The following ZC3H12D variants were observed in gnomAD, a reference collection of about 807,000 sequenced individuals.
The protein encoded by ZC3H12D is zinc finger CCCH-type containing 12D.
A neutral mutation model predicts 24.2 loss-of-function variants in ZC3H12D; 11 were observed. That is an observed-to-expected ratio of 0.46 (90% CI 0.29 to 0.75). The LOEUF is 0.75. Among genes scored for constraint, ZC3H12D ranks in the 30% least tolerant of loss-of-function variants. The pLI is 0.11. For missense variants in ZC3H12D, 740 were observed against 767.7 expected (o/e 0.96, Z 0.43); for synonymous variants, 333 against 341.8 (o/e 0.97, Z 0.28).
At chr6:149,480,411 TC>T (rs1231846958) in intron 1 of ZC3H12D, among the ~76,000 whole-genome samples, 1 of 152,244 alleles carries the variant, frequency 6.6e-6, no homozygotes, top group Admixed American at 6.5e-5. Context: ...TAGCACATGT[TC>T]TCACTTATAA....
In ZC3H12D at chr6:149,451,354, C is replaced by A; in HGVS notation, c.913G>T (p.Glu305Ter). 4 of 1,465,374 alleles carry A rather than the reference C, an allele frequency of 2.7e-6. No individual in the cohort carries two copies. Among genetic ancestry groups the A allele is most frequent in the South Asian group, 1.3e-5 (1 of 75,664 alleles). The allele number at this position is 1,465,374 out of a possible 1,614,324, so 90.8% of individuals were successfully genotyped here. ...TGARPGAGAE[E>*]QRPPRAPGGS... ...CCCGGGGCTCTCGGTGGCCGCTGCT[C>A]CTCGGCGCCCGCGCCAGGCCGGGCC... The change falls in exon 6 of 6, where the codon GAG (glutamate) becomes TAG (stop). Residue 305 changes from glutamate (E) to a stop codon, truncating the protein, a stop_gained. Transcript: ENST00000409806. LOFTEE classifies it low-confidence loss of function (END_TRUNC).
intron 2 of ZC3H12D, among the ~76,000 whole-genome samples, chr6:149,470,156 C>T (rs1776222451): frequency 2.0e-5 from 3 of 152,058 alleles, no homozygotes; most frequent in Admixed American, 6.6e-5. Context: ...GTCAGGAGTT[C>T]AAGACCAGCC....
Position 149,452,787 on chromosome 6 carries a change from G to A in ZC3H12D, c.681-65C>T. 3.5e-6 allele frequency: 5 copies of A among 1,430,474 alleles called. No individual in the cohort carries two copies. Among genetic ancestry groups the A allele is most frequent in the Non-Finnish European group, 4.8e-6 (5 of 1,049,136 alleles). The allele number at this position is 1,430,474 out of a possible 1,614,324, so 88.6% of individuals were successfully genotyped here. A position where few individuals can be genotyped will look rare whatever the true frequency, so the allele number is the denominator to read the frequency against. ...GATTTGCCACCAGCACCTGTACAAA[G>A]GGAGCAGGCCCAAGTTCCCCAAGAA... On this transcript the variant is annotated intron_variant, in intron 4 of 5. Coordinates refer to ENST00000409806, the MANE Select transcript of ZC3H12D (RefSeq NM_207360.3). The surrounding 1 kb of genome is among the most constrained non-coding windows in gnomAD (Gnocchi z 4.0).
intron 1 of ZC3H12D, among the ~76,000 whole-genome samples, chr6:149,477,426 C>T (rs1412763835): frequency 6.6e-6 from 1 of 152,270 alleles, no homozygotes; most frequent in South Asian, 2.1e-4. Flanking sequence ...TCCAACAACA[C>T]TTTCACAGTC....
At chr6:149,470,866 G>C (rs116577893) in intron 2 of ZC3H12D, among the ~76,000 whole-genome samples, 2,483 of 152,360 alleles carry the variant, frequency 0.016, 68 homozygotes, top group African/African-American at 0.057. Context: ...GTGGCAAGTG[G>C]CTCTGTGGGG....
At position 149,473,515 on chromosome 6, in the gene ZC3H12D, C is replaced by T. The variant is rs539777230; in HGVS notation, c.305+724G>A. On this transcript the variant is annotated intron_variant, in intron 2 of 5. Coordinates refer to ENST00000409806, the MANE Select transcript of ZC3H12D (RefSeq NM_207360.3). ...GTGTTGGGGGAGGCTGCAGAGATTC[C>T]GTCACAGGGGAGCTTAGCCAAGACA... Among the ~76,000 whole-genome samples, 3 of 152,310 alleles carry T rather than the reference C, an allele frequency of 2.0e-5. No individual in the cohort carries two copies. The South Asian group carries it at 6.2e-4, about 32-fold the overall frequency.
chr6:149,460,388 C>G (rs545470902), intron 3 of ZC3H12D, among the ~76,000 whole-genome samples: 2 of 152,264 alleles, frequency 1.3e-5, no homozygotes, highest in East Asian at 3.9e-4. Flanking sequence ...CAAACAAGAC[C>G]CTGTTTGTTT....
intron 2 of ZC3H12D, among the ~76,000 whole-genome samples, chr6:149,471,665 G>A (rs2115010642): frequency 6.6e-6 from 1 of 152,302 alleles, no homozygotes; most frequent in South Asian, 2.1e-4. Context: ...TGCTGGCTTT[G>A]AAGATAGAAG....
chr6:149,464,889 G>A (rs912904345), intron 2 of ZC3H12D, among the ~76,000 whole-genome samples: 2 of 152,134 alleles, frequency 1.3e-5, no homozygotes, highest in South Asian at 2.1e-4. Context: ...GAGGGGCAAG[G>A]ATAAGTTCTT....
chr6:149,463,127 G>T (rs1776101718), intron 2 of ZC3H12D, among the ~76,000 whole-genome samples: 1 of 152,180 alleles, frequency 6.6e-6, no homozygotes, highest in South Asian at 2.1e-4. Flanking sequence ...CTGAAGCTAA[G>T]AATGATCAAC....
At chr6:149,454,019 A>T (rs1419608694) in intron 4 of ZC3H12D, among the ~76,000 whole-genome samples, 1 of 152,234 alleles carries the variant, frequency 6.6e-6, no homozygotes, top group Admixed American at 6.5e-5. Flanking sequence ...TTCAATAGGA[A>T]CAGGGAGTTT....
In ZC3H12D at chr6:149,450,866, C is replaced by T; in HGVS notation, c.1401G>A (p.Val467=). The T allele has an allele frequency of 6.5e-7, 1 of 1,542,880 alleles. No individual in the cohort carries two copies. The highest frequency in any genetic ancestry group is 8.7e-7 in the Non-Finnish European group (1 of 1,146,652). The change falls in exon 6 of 6, where the codon GTG becomes GTA. Residue 467 remains valine, a synonymous_variant. Transcript: ENST00000409806. ...CCCCCTCGTCGTCCTCGGTCGCGTACACTGAAAGTCCCCCAGTGGCGCCGT... is the reference window on the plus strand; with the variant it reads ...CCCCCTCGTCGTCCTCGGTCGCGTATACTGAAAGTCCCCCAGTGGCGCCGT... ...WGDGATGGLS[V]YATEDDEGDA...
At chr6:149,463,059 G>C (rs920557879) in intron 2 of ZC3H12D, among the ~76,000 whole-genome samples, 1 of 152,150 alleles carries the variant, frequency 6.6e-6, no homozygotes, top group African/African-American at 2.4e-5. Context: ...AGAGAATCCT[G>C]ACTAATACGG....
chr6:149,474,000 G>A (rs391875), intron 2 of ZC3H12D, among the ~76,000 whole-genome samples: 60,764 of 151,990 alleles, frequency 0.4, 12,830 homozygotes, highest in African/African-American at 0.5. Context: ...TAGGCATTTT[G>A]TGCACAAAAA....
At chr6:149,461,702 GCT>G (rs1776074928) in intron 3 of ZC3H12D, 127 bp downstream of exon 3, 1 of 1,055,588 alleles carries the variant, frequency 9.5e-7, no homozygotes, top group African/African-American at 1.6e-5. Flanking sequence ...CCTTCATGGA[GCT>G]TATAGCGCAG....
chr6:149,459,312 C>T (rs1776035873), intron 3 of ZC3H12D, among the ~76,000 whole-genome samples: 1 of 152,188 alleles, frequency 6.6e-6, no homozygotes, highest in South Asian at 2.1e-4. Context: ...TGACAGGGAA[C>T]TGAACACAAG....
In ZC3H12D at chr6:149,468,660, G is replaced by A. The variant is rs117325528; in HGVS notation, c.305+5579C>T. On this transcript the variant is annotated intron_variant, in intron 2 of 5. Coordinates refer to ENST00000409806, the MANE Select transcript of ZC3H12D (RefSeq NM_207360.3). ...AGATCTCTCCCCAGCTCAAGGCAGG[G>A]GAAAGAGACCGTGAGCAGGGGCTGA... Among the ~76,000 whole-genome samples the A allele has an allele frequency of 4.0e-3, 602 of 152,270 alleles. 2 individuals carry two copies. Among genetic ancestry groups the A allele is most frequent in the Non-Finnish European group, 6.9e-3 (467 of 68,022 alleles).
At chr6:149,459,775 T>C in intron 3 of ZC3H12D, 1 of 711,538 alleles carries the variant, frequency 1.4e-6, no homozygotes, top group Non-Finnish European at 2.6e-6. Flanking sequence ...GCCATTGGAA[T>C]AAGTGGTGGG....
At chr6:149,461,644 C>CTAGGTGT (rs1646614189) in intron 3 of ZC3H12D, 187 bp downstream of exon 3, 1 of 457,410 alleles carries the variant, frequency 2.2e-6, no homozygotes, top group Admixed American at 4.1e-5. Context: ...AGGTGTTACG[C>CTAGGTGT]TAGGTGCTAG....
Sources: gnomAD v4.1 joint callset for allele counts (sites outside exome capture counted in the v4.1 genomes callset) on GRCh38, gnomAD v4.1.1 for gene constraint, Gnocchi (gnomAD v3.1) non-coding constraint, MANE v1.5 for transcripts, NCBI Gene and HGNC (gene_info 2026-07-23, HGNC 2026-07-21) for gene names.